The following ROBO2 variants were observed in gnomAD, a reference collection of about 807,000 sequenced individuals.
The protein encoded by ROBO2 is roundabout guidance receptor 2, also known as roundabout homolog 2.
Under a neutral mutation model 160.8 loss-of-function variants are expected in ROBO2, and 53 were observed. The ratio of observed to expected loss-of-function variants is 0.33; its 90% confidence interval spans 0.26 to 0.41. The LOEUF (loss-of-function observed/expected upper bound fraction) is 0.41. Ranked by LOEUF, ROBO2 falls within the 10% of genes least tolerant of loss-of-function variation. ROBO2 has a pLI of 1.00. For synonymous variants in ROBO2, 664 were observed against 611.7 expected (o/e 1.09, Z -1.26); for missense variants, 1,577 against 1,722.4 (o/e 0.92, Z 1.49).
intron 5 of ROBO2, among the ~76,000 whole-genome samples, chr3:77,517,084 T>C (rs1442132272): frequency 6.6e-6 from 1 of 151,552 alleles, no homozygotes; most frequent in Non-Finnish European, 1.5e-5. Context: ...ACAAAAGATG[T>C]GGTAAAGATA....
chr3:76,842,997 C>A (rs771862336), intron 2 of ROBO2, among the ~76,000 whole-genome samples: 1 of 151,978 alleles, frequency 6.6e-6, no homozygotes, highest in African/African-American at 2.4e-5. Flanking sequence ...ACTATTTCAA[C>A]CTTTTCACTG....
Position 76,180,404 on chromosome 3 carries a change from T to C in ROBO2, c.109+242802T>C, listed in dbSNP as rs139473437. On this transcript the variant is annotated intron_variant, in intron 2 of 26. Coordinates refer to the ROBO2 transcript ENST00000487694. The stretch of plus-strand genomic sequence containing the variant: ...AATTTGATGACACCAACCAAAGGAG[T>C]CTCACATAAAATATTGAAAAGAGAA... 3.7e-3 allele frequency among the ~76,000 whole-genome samples: 560 copies of C among 151,932 alleles called. 1 individual carries two copies. The highest frequency in any genetic ancestry group is 5.6e-3 in the Admixed American group (85 of 15,214).
chr3:77,640,510 G>A (rs1389685692), intron 24 of ROBO2, among the ~76,000 whole-genome samples: 2 of 152,160 alleles, frequency 1.3e-5, no homozygotes, highest in African/African-American at 2.4e-5. Flanking sequence ...TGTAGCTCTG[G>A]TTACATGAGT....
intron 2 of ROBO2, among the ~76,000 whole-genome samples, chr3:76,224,872 A>G (rs1442509606): frequency 6.6e-6 from 1 of 152,150 alleles, no homozygotes; most frequent in Admixed American, 6.6e-5. Context: ...TTAATGCACA[A>G]TCTCATTTCC....
chr3:77,422,459 A>G (rs962477589), intron 2 of ROBO2, among the ~76,000 whole-genome samples: 2 of 152,074 alleles, frequency 1.3e-5, no homozygotes, highest in African/African-American at 2.4e-5. Context: ...GGCCTTCAAG[A>G]CACCATTTTT....
chr3:77,423,036 A>G (rs534757138), intron 2 of ROBO2, among the ~76,000 whole-genome samples: 1 of 152,316 alleles, frequency 6.6e-6, no homozygotes, highest in Non-Finnish European at 1.5e-5. Flanking sequence ...TAAGTGATTA[A>G]TAAAGCAGAT....
chr3:77,053,209 A>C (rs2149706564), intron 1 of ROBO2, among the ~76,000 whole-genome samples: 1 of 152,300 alleles, frequency 6.6e-6, no homozygotes, highest in African/African-American at 2.4e-5. Context: ...AATCCAAGGG[A>C]ATGCTTTGCC....
chr3:77,011,915 GAGA>G (rs2061945658), intron 2 of ROBO2, among the ~76,000 whole-genome samples: 1 of 152,048 alleles, frequency 6.6e-6, no homozygotes, highest in African/African-American at 2.4e-5. Flanking sequence ...AATAAGAAAA[GAGA>G]TATGAGGAGC....
At chr3:76,222,694 A>C (rs1704047103) in intron 2 of ROBO2, among the ~76,000 whole-genome samples, 1 of 151,838 alleles carries the variant, frequency 6.6e-6, no homozygotes, top group South Asian at 2.1e-4. Context: ...CCAGACTACT[A>C]TAACAGATCC....
At chr3:76,927,645 G>A (rs368654405) in intron 2 of ROBO2, among the ~76,000 whole-genome samples, 2 of 152,188 alleles carry the variant, frequency 1.3e-5, no homozygotes, top group South Asian at 2.1e-4. Flanking sequence ...ATAAAGTATA[G>A]CTTATATTTT....
intron 2 of ROBO2, among the ~76,000 whole-genome samples, chr3:76,006,561 T>A (rs2066025903): frequency 6.6e-6 from 1 of 152,170 alleles, no homozygotes; most frequent in South Asian, 2.1e-4. Flanking sequence ...AAGATTTAAG[T>A]TCAAATTCTA....
chr3:76,786,068 A>G (rs1293803995), intron 2 of ROBO2, among the ~76,000 whole-genome samples: 1 of 151,182 alleles, frequency 6.6e-6, no homozygotes. Flanking sequence ...GAGTTGGAAA[A>G]CCCATATATC....
rs56058203 is a variant in ROBO2, at chr3:75,907,852, C to CGTGTGTGTGTGT, written c.-14+911_-14+922dup. On this transcript the variant is annotated intron_variant, in intron 1 of 26. Transcript: ENST00000487694. Reference sequence around the variant, plus strand: ...TTGCTTCATTTTTTTTAATCGTGTGCGTGTGTGTGTGTGTGTGTGTGTGTG... The same window carrying CGTGTGTGTGTGT: ...TTGCTTCATTTTTTTTAATCGTGTGCGTGTGTGTGTGTGTGTGTGTGTGTGTGTGTGTGTGTG... Among the ~76,000 whole-genome samples the CGTGTGTGTGTGT allele has an allele frequency of 2.0e-3, 298 of 148,678 alleles. 2 individuals are homozygous for CGTGTGTGTGTGT. Among genetic ancestry groups the CGTGTGTGTGTGT allele is most frequent in the African/African-American group, 6.5e-3 (258 of 39,964 alleles).
Position 77,607,966 on chromosome 3 carries a change from T to C in ROBO2, c.3293+12T>C. 1.2e-6 allele frequency: 2 copies of C among 1,613,828 alleles called. No homozygotes were observed. The highest frequency in any genetic ancestry group is 4.5e-5 in the East Asian group (2 of 44,856). ...CAACAAGAAAATGGGTAAAGATATT[T>C]TATATACTAGCAAAATGGCCAGGGC... On this transcript the variant is annotated intron_variant, in intron 21 of 25. Transcript: ENST00000461745.
At position 76,546,051 on chromosome 3, in the gene ROBO2, A is replaced by C. The variant is rs1189013365; in HGVS notation, c.110-551963A>C. Among the ~76,000 whole-genome samples the C allele has an allele frequency of 2.0e-5, 3 of 151,832 alleles. No individual in the cohort carries two copies. The East Asian group carries it at 5.8e-4, about 29-fold the overall frequency. On this transcript the variant is annotated intron_variant, in intron 2 of 26. Coordinates refer to the ROBO2 transcript ENST00000487694. ...CTAAGTTCCCATCCACAGTTTTATT[A>C]TAAAGATAATAATATTATGGCCTAA...
At chr3:77,039,768 GCTCT>G (rs1343137156), upstream of ROBO2, 1 of 151,958 alleles carries the variant, frequency 6.6e-6, no homozygotes, top group Non-Finnish European at 1.5e-5. Context: ...ACTCCAGGCA[GCTCT>G]CATTCCTCCC....
rs915689159 is a variant in ROBO2 at position 76,276,135 on chromosome 3, C to T, written c.109+338533C>T. Among the ~76,000 whole-genome samples the T allele has an allele frequency of 4.0e-5, 6 of 151,894 alleles. No individual in the cohort carries two copies. The South Asian group carries it at 1.2e-3, about 32-fold the overall frequency. On this transcript the variant is annotated intron_variant, in intron 2 of 26. Coordinates refer to the ROBO2 transcript ENST00000487694. ...CAAGGTCTTCCTAAAGTACTTAAAG[C>T]AATTTGAAGTTTGTTAAAATGTATA...
chr3:76,238,107 A>C (rs567107384), intron 2 of ROBO2, among the ~76,000 whole-genome samples: 2 of 152,320 alleles, frequency 1.3e-5, no homozygotes, highest in South Asian at 4.1e-4. Flanking sequence ...TGACCATTTA[A>C]AGGACTTGGG....
intron 2 of ROBO2, among the ~76,000 whole-genome samples, chr3:77,316,463 A>G (rs2064000227): frequency 6.6e-6 from 1 of 152,172 alleles, no homozygotes; most frequent in Non-Finnish European, 1.5e-5. Context: ...AAGTGCCTAC[A>G]TATTACCAGC....
Sources: allele counts gnomAD v4.1 joint callset (sites outside exome capture counted in the v4.1 genomes callset), GRCh38; gene constraint gnomAD v4.1.1; transcripts MANE v1.5; gene names NCBI Gene and HGNC (gene_info 2026-07-23, HGNC 2026-07-21).